The following ANPEP variants were observed in gnomAD, a reference collection of about 807,000 sequenced individuals.
ANPEP encodes the protein alanyl aminopeptidase, membrane.
Under a neutral mutation model 114.6 loss-of-function variants are expected in ANPEP, and 70 were observed. The observed-to-expected ratio is 0.61, with a 90% CI of 0.50 to 0.75. The LOEUF is 0.75. Among genes scored for constraint, ANPEP ranks in the 30% least tolerant of loss-of-function variants. The probability of loss-of-function intolerance (pLI) is 0.00; values close to 1 mark genes in which losing one functional copy is unlikely to be tolerated. For synonymous variants in ANPEP, 548 were observed against 522.3 expected (o/e 1.05, Z -0.67); for missense variants, 1,184 against 1,259.5 (o/e 0.94, Z 0.91).
chr15:89,794,961 C>T (rs954732787), intron 15 of ANPEP, among the ~76,000 whole-genome samples: 2 of 152,142 alleles, frequency 1.3e-5, no homozygotes, highest in African/African-American at 4.8e-5. Context: ...CCGGACAACA[C>T]ACTCCACCTT....
chr15:89,797,837 C>T (rs1375371432), intron 14 of ANPEP, 115 bp from the exon 15 acceptor site: 3 of 1,404,582 alleles, frequency 2.1e-6, no homozygotes, highest in East Asian at 2.3e-5. Context: ...CCTGTATCCA[C>T]TCCTGGAGCC....
intron 1 of ANPEP, among the ~76,000 whole-genome samples, chr15:89,813,841 C>CCT (rs1390541739): frequency 6.6e-6 from 1 of 152,222 alleles, no homozygotes; most frequent in Non-Finnish European, 1.5e-5. Context: ...CCACATCAGA[C>CCT]CTCAGGTCTG....
rs964704791 is a variant in ANPEP, at chr15:89,799,601, C to T, written c.1820-42G>A. On this transcript the variant is annotated intron_variant, in intron 12 of 20. Transcript: ENST00000300060. The surrounding 1 kb of genome is among the most constrained non-coding windows in gnomAD (Gnocchi z 4.2). ...GACCTGGGCAGGGCTGCTCAGAGGC[C>T]ATGGGCTGACCCCTGGACCTCTTGC... The T allele has an allele frequency of 1.2e-6, 2 of 1,613,278 alleles. No individual in the cohort carries two copies. Among genetic ancestry groups the T allele is most frequent in the African/African-American group, 2.7e-5 (2 of 74,912 alleles).
chr15:89,808,740 T>C (rs1303067892), intron 1 of ANPEP, among the ~76,000 whole-genome samples: 1 of 152,144 alleles, frequency 6.6e-6, no homozygotes, highest in East Asian at 1.9e-4. Context: ...CTCTGCTCCC[T>C]GAGGGCCTCA....
chr15:89,811,642 T>C, intron 1 of ANPEP, among the ~76,000 whole-genome samples: 1 of 143,744 alleles, frequency 7.0e-6, no homozygotes, highest in East Asian at 2.0e-4. Context: ...TGAGACTCCA[T>C]CTCAAGTAAA....
intron 20 of ANPEP, among the ~76,000 whole-genome samples, chr15:89,789,167 A>T (rs1968567737): frequency 6.6e-6 from 1 of 151,678 alleles, no homozygotes; most frequent in South Asian, 2.1e-4. Context: ...TTTAGTAGAG[A>T]CAGGGTTTCA....
In ANPEP at chr15:89,789,908, A is replaced by T. The variant is rs143787505; in HGVS notation, c.2751+552T>A. Among the ~76,000 whole-genome samples, 3 of 151,938 alleles carry T rather than the reference A, an allele frequency of 2.0e-5. No individual in the cohort carries two copies. The South Asian group carries it at 6.2e-4, about 32-fold the overall frequency. The stretch of plus-strand genomic sequence containing the variant: ...CCCATCTCTACTAAAAATACAAAAA[A>T]ATTAGCCAGGCGCGGTGGCGGGCAC... On this transcript the variant is annotated intron_variant, in intron 20 of 20. Transcript: ENST00000300060.
At chr15:89,795,392 A>G (rs1968709280) in intron 15 of ANPEP, among the ~76,000 whole-genome samples, 1 of 152,176 alleles carries the variant, frequency 6.6e-6, no homozygotes, top group Non-Finnish European at 1.5e-5. Flanking sequence ...GAAAAAGTGA[A>G]GGGAATAAAG....
At chr15:89,790,384 G>T in intron 20 of ANPEP, 76 bp downstream of exon 20, 2 of 1,399,926 alleles carry the variant, frequency 1.4e-6, no homozygotes, top group Non-Finnish European at 1.0e-6. Flanking sequence ...TCAGGGCCAC[G>T]TGGGAGAAGA....
At chr15:89,809,309 G>C (rs1319351699) in intron 1 of ANPEP, among the ~76,000 whole-genome samples, 1 of 152,142 alleles carries the variant, frequency 6.6e-6, no homozygotes, top group Non-Finnish European at 1.5e-5. Context: ...CTTTGCAGCA[G>C]AAAGACCCAC....
In ANPEP at chr15:89,803,416, T is replaced by C. The variant is rs749270476; in HGVS notation, c.1503+26A>G. 28 of 1,610,550 alleles carry C rather than the reference T, an allele frequency of 1.7e-5. No individual in the cohort carries two copies. In the African/African-American group the frequency reaches 1.9e-4, roughly 11 times the overall value. ...AGGGGCAGAAGGAGACCCACCCTCA[T>C]GGCTGGCCCAGGGTGCAGTACTCAC... is the stretch of plus-strand genomic sequence containing the variant. On this transcript the variant is annotated intron_variant, in intron 9 of 20. Transcript: ENST00000300060. The surrounding 1 kb of genome is among the most constrained non-coding windows in gnomAD (Gnocchi z 4.2).
At chr15:89,798,718 G>T (rs1252200493) in intron 14 of ANPEP, among the ~76,000 whole-genome samples, 1 of 149,368 alleles carries the variant, frequency 6.7e-6, no homozygotes, top group Non-Finnish European at 1.5e-5. Flanking sequence ...GAGGTGGGTG[G>T]ATCACAAGGT....
At chr15:89,813,436 C>T (rs1894850398) in intron 1 of ANPEP, among the ~76,000 whole-genome samples, 1 of 152,206 alleles carries the variant, frequency 6.6e-6, no homozygotes, top group African/African-American at 2.4e-5. Context: ...GGCGGCTGGG[C>T]TGCCTCAAGA....
intron 15 of ANPEP, among the ~76,000 whole-genome samples, chr15:89,795,337 A>C (rs1019736453): frequency 6.6e-5 from 10 of 152,220 alleles, no homozygotes; most frequent in Non-Finnish European, 1.2e-4. Flanking sequence ...GGATGAAAGC[A>C]AGAGAAATAA....
chr15:89,801,057 A>C, intron 12 of ANPEP, 54 bp downstream of exon 12: 1 of 1,517,360 alleles, frequency 6.6e-7, no homozygotes. Context: ...AACATGGGCC[A>C]GGAGCTAGGA....
At chr15:89,786,619 G>C (rs1313026532) in intron 20 of ANPEP, among the ~76,000 whole-genome samples, 1 of 151,742 alleles carries the variant, frequency 6.6e-6, no homozygotes, top group African/African-American at 2.4e-5. Context: ...CCTGAGCCTG[G>C]GAAGTTGAGG....
Position 89,785,309 on chromosome 15 carries a change from G to T in ANPEP, c.*40C>A, listed in dbSNP as rs749745405. Reference sequence around the variant, plus strand: ...CAGCCGCTGGGATGGACACATGTGGGCACCTTGCATGGGGGCCGGGTGACT... The same window carrying T: ...CAGCCGCTGGGATGGACACATGTGGTCACCTTGCATGGGGGCCGGGTGACT... On this transcript the variant is annotated 3_prime_UTR_variant, in exon 21 of 21. Coordinates refer to ENST00000300060, the MANE Select transcript of ANPEP (RefSeq NM_001150.3). 1 of 1,612,074 alleles carries T rather than the reference G, an allele frequency of 6.2e-7. No homozygotes were observed. Among genetic ancestry groups the T allele is most frequent in the South Asian group, 1.1e-5 (1 of 90,994 alleles).
chr15:89,801,743 A>G (rs1011005302), intron 10 of ANPEP, 136 bp from the exon 11 acceptor site: 2 of 1,022,100 alleles, frequency 2.0e-6, no homozygotes, highest in Non-Finnish European at 1.4e-6. Context: ...CTGGGCTGGG[A>G]GCCGGGAGCC....
chr15:89,803,856 C>T lies in ANPEP; in HGVS notation c.1293+33G>A, dbSNP rs370077706. On this transcript the variant is annotated intron_variant, in intron 7 of 20. Transcript: ENST00000300060. This position sits in a 1 kb window ranked among gnomAD's most constrained non-coding sequence, Gnocchi z 4.2. Reference sequence around the variant, plus strand: ...CGGTGGCCCAGGTCTCCCTCCATGCCCCCCGCACCAGACCCCTGGGCAGCT... The same window carrying T: ...CGGTGGCCCAGGTCTCCCTCCATGCTCCCCGCACCAGACCCCTGGGCAGCT... The T allele has an allele frequency of 3.7e-6, 6 of 1,613,932 alleles. No homozygotes were observed. Among genetic ancestry groups the T allele is most frequent in the Non-Finnish European group, 4.2e-6 (5 of 1,179,876 alleles).
Sources: allele counts gnomAD v4.1 joint callset (sites outside exome capture counted in the v4.1 genomes callset), GRCh38; gene constraint gnomAD v4.1.1; non-coding constraint Gnocchi (gnomAD v3.1); transcripts MANE v1.5; gene names NCBI Gene and HGNC (gene_info 2026-07-23, HGNC 2026-07-21).